The following SHISA9 variants were observed in gnomAD, a reference collection of about 807,000 sequenced individuals.
SHISA9 encodes the protein shisa family member 9.
A neutral mutation model predicts 38.0 loss-of-function variants in SHISA9; 13 were observed. The ratio of observed to expected loss-of-function variants is 0.34; its 90% CI spans 0.22 to 0.54. The LOEUF (loss-of-function observed/expected upper bound fraction) is 0.54, where lower values mean the gene tolerates loss of function less well. Among genes scored for constraint, SHISA9 ranks in the 20% least tolerant of loss-of-function variants. The pLI is 0.91. For missense variants in SHISA9, 538 were observed against 575.8 expected (o/e 0.93, Z 0.67); for synonymous variants, 275 against 242.0 (o/e 1.14, Z -1.27).
the SHISA9 span, among the ~76,000 whole-genome samples, chr16:13,484,154 C>G: frequency 2.6e-5 from 4 of 151,964 alleles, no homozygotes; most frequent in Non-Finnish European, 4.4e-5. Flanking sequence ...CCCTGCTTGG[C>G]GTGTGGAGGA....
chr16:12,974,226 G>T (rs977544067), intron 2 of SHISA9, among the ~76,000 whole-genome samples: 1 of 152,092 alleles, frequency 6.6e-6, no homozygotes, highest in Non-Finnish European at 1.5e-5. Context: ...CGTATATCTG[G>T]ACAAGCTTGG....
Position 13,165,973 on chromosome 16 carries a change from A to C in SHISA9, c.692-37421A>C, listed in dbSNP as rs182885195. ...GAAAATGACAGGTATTATCAGCCCG[A>C]GTCTGGAGCCTGTAATTCGCCAGCT... On this transcript the variant is annotated intron_variant, in intron 2 of 4. Coordinates refer to ENST00000558583, the MANE Select transcript of SHISA9 (RefSeq NM_001145204.3). Among the ~76,000 whole-genome samples the C allele has an allele frequency of 2.2e-3, 338 of 152,310 alleles. 4 individuals carry two copies. The Middle Eastern group carries it at 0.027, about 12-fold the overall frequency.
chr16:13,364,996 C>T, the SHISA9 span, among the ~76,000 whole-genome samples: 2 of 152,070 alleles, frequency 1.3e-5, no homozygotes, highest in South Asian at 4.1e-4. Flanking sequence ...AGTCCAAATA[C>T]CCTAGGACCT....
At chr16:12,975,486 G>A (rs1189867012) in intron 2 of SHISA9, among the ~76,000 whole-genome samples, 1 of 152,058 alleles carries the variant, frequency 6.6e-6, no homozygotes, top group Non-Finnish European at 1.5e-5. Context: ...CCGGGCAACA[G>A]AGTGAGACTC....
intron 2 of SHISA9, among the ~76,000 whole-genome samples, chr16:13,102,362 G>C (rs1188241319): frequency 6.6e-6 from 1 of 152,192 alleles, no homozygotes; most frequent in Non-Finnish European, 1.5e-5. Flanking sequence ...TATTCTGGTA[G>C]AATTCTGAAC....
rs547733836 is a variant in SHISA9, at chr16:13,094,109, C to T, written c.692-109285C>T. On this transcript the variant is annotated intron_variant, in intron 2 of 4. Transcript: ENST00000558583. Reference sequence around the variant, plus strand: ...TCTCTCTTTGTCCTTTGCCACTGTGCTAGCAGAAAAGACGTTGGGAAAGAA... The same window carrying T: ...TCTCTCTTTGTCCTTTGCCACTGTGTTAGCAGAAAAGACGTTGGGAAAGAA... Among the ~76,000 whole-genome samples, 22 of 152,234 alleles carry T rather than the reference C, an allele frequency of 1.4e-4. No individual in the cohort carries two copies. In the South Asian group the frequency reaches 4.4e-3, roughly 30 times the overall value.
At chr16:13,059,121 C>CT (rs3075088) in intron 2 of SHISA9, among the ~76,000 whole-genome samples, 784 of 74,858 alleles carry the variant, frequency 0.01, 25 homozygotes, top group African/African-American at 0.016. Flanking sequence ...AAAACTCTAT[C>CT]TTTTTTTTTT....
the SHISA9 span, among the ~76,000 whole-genome samples, chr16:13,341,221 T>A: frequency 1.3e-5 from 2 of 152,178 alleles, no homozygotes; most frequent in African/African-American, 4.8e-5. Flanking sequence ...AGCTACCAGG[T>A]GAAAGTCCAC....
the SHISA9 span, among the ~76,000 whole-genome samples, chr16:13,256,339 T>A: frequency 2.0e-5 from 3 of 152,230 alleles, no homozygotes; most frequent in Non-Finnish European, 2.9e-5. Context: ...TGGAGTGCAA[T>A]GGTGCCACCT....
At chr16:13,034,098 T>C (rs966285161) in intron 2 of SHISA9, among the ~76,000 whole-genome samples, 1 of 151,122 alleles carries the variant, frequency 6.6e-6, no homozygotes, top group African/African-American at 2.4e-5. Context: ...AGAGCTGAGA[T>C]TGTGTCATTG....
chr16:13,271,249 AC>A, the SHISA9 span, among the ~76,000 whole-genome samples: 1 of 152,186 alleles, frequency 6.6e-6, no homozygotes, highest in African/African-American at 2.4e-5. Flanking sequence ...GAGAGAAGGA[AC>A]AAACATTACC....
At chr16:13,030,319 C>T (rs994007773) in intron 2 of SHISA9, among the ~76,000 whole-genome samples, 4 of 152,076 alleles carry the variant, frequency 2.6e-5, no homozygotes, top group Admixed American at 6.5e-5. Flanking sequence ...GCTGGAGAGT[C>T]GATGCTCCTG....
At chr16:13,490,558 C>T in the SHISA9 span, among the ~76,000 whole-genome samples, 1 of 152,212 alleles carries the variant, frequency 6.6e-6, no homozygotes, top group Non-Finnish European at 1.5e-5. Context: ...GAGCAAGAGC[C>T]TGTCTCAAAC....
chr16:13,190,439 C>T (rs1387817903), intron 2 of SHISA9, among the ~76,000 whole-genome samples: 1 of 152,144 alleles, frequency 6.6e-6, no homozygotes, highest in Non-Finnish European at 1.5e-5. Flanking sequence ...TTTCTTCGTC[C>T]ACATATACAT....
At chr16:12,965,372 A>T (rs2071963395) in intron 2 of SHISA9, among the ~76,000 whole-genome samples, 1 of 152,182 alleles carries the variant, frequency 6.6e-6, no homozygotes, top group Non-Finnish European at 1.5e-5. Flanking sequence ...CTCCTCAGAA[A>T]GAAACACTGT....
At chr16:13,037,089 C>CACACACAG (rs1567190764) in intron 2 of SHISA9, among the ~76,000 whole-genome samples, 1 of 20,258 alleles carries the variant, frequency 4.9e-5, no homozygotes, top group Non-Finnish European at 1.2e-4. Flanking sequence ...CACACCACAC[C>CACACACAG]ACACACACAC....
At chr16:13,351,849 G>C in the SHISA9 span, among the ~76,000 whole-genome samples, 2 of 152,200 alleles carry the variant, frequency 1.3e-5, no homozygotes, top group African/African-American at 2.4e-5. Flanking sequence ...CTCCAGGCAA[G>C]AAACATGAGA....
chr16:13,355,418 G>C, the SHISA9 span, among the ~76,000 whole-genome samples: 12 of 151,726 alleles, frequency 7.9e-5, no homozygotes, highest in East Asian at 3.9e-4. Context: ...GGGTTAAGGT[G>C]GGGGGATACA....
rs192419851 is a variant in SHISA9 at position 13,032,047 on chromosome 16, T to G, written c.691+115232T>G. On this transcript the variant is annotated intron_variant, in intron 2 of 4. Coordinates refer to ENST00000558583, the MANE Select transcript of SHISA9 (RefSeq NM_001145204.3). ...TTTACTTTAAGTTCTGGGATACATGTGCAGAACATGCAGGTTTGTTACATA... is the reference window on the plus strand; with the variant it reads ...TTTACTTTAAGTTCTGGGATACATGGGCAGAACATGCAGGTTTGTTACATA... Among the ~76,000 whole-genome samples, 753 of 152,252 alleles carry G rather than the reference T, an allele frequency of 4.9e-3. 10 individuals are homozygous for G. Among genetic ancestry groups the G allele is most frequent in the South Asian group, 0.033 (160 of 4,812 alleles).
Sources: allele counts gnomAD v4.1 joint callset (sites outside exome capture counted in the v4.1 genomes callset), GRCh38; gene constraint gnomAD v4.1.1; transcripts MANE v1.5; gene names NCBI Gene and HGNC (gene_info 2026-07-23, HGNC 2026-07-21).